The following ATP8B4 variants were observed in gnomAD, a reference collection of about 807,000 sequenced individuals.
The protein encoded by ATP8B4 is probable phospholipid-transporting ATPase IM.
In ATP8B4, 133 loss-of-function variants were observed where a neutral mutation model predicts 145.6. The observed-to-expected ratio is 0.91, with a 90% confidence interval of 0.79 to 1.05. The LOEUF (loss-of-function observed/expected upper bound fraction) is 1.05, where lower values mean the gene tolerates loss of function less well. Ranked by LOEUF, ATP8B4 falls within the 50% of genes least tolerant of loss-of-function variation. The probability of loss-of-function intolerance (pLI) is 0.00; values close to 1 mark genes in which losing one functional copy is unlikely to be tolerated. For synonymous variants in ATP8B4, 507 were observed against 492.9 expected, an observed-to-expected ratio of 1.03 and a Z score of -0.38; for missense variants, 1,458 against 1,425.2, an observed-to-expected ratio of 1.02 and a Z score of -0.37.
intron 25 of ATP8B4, among the ~76,000 whole-genome samples, chr15:49,872,211 C>T (rs574200754): frequency 7.1e-4 from 108 of 152,320 alleles, no homozygotes; most frequent in Admixed American, 1.8e-3. Flanking sequence ...CTTGGGAAAT[C>T]AGACTGTTGG....
chr15:49,978,999 T>G (rs2045931392), intron 12 of ATP8B4, among the ~76,000 whole-genome samples: 1 of 152,110 alleles, frequency 6.6e-6, no homozygotes, highest in Non-Finnish European at 1.5e-5. Context: ...ATATTTTAAC[T>G]CCTTTATGTA....
At chr15:50,156,123 T>TAA (rs2044413744) in intron 1 of ATP8B4, among the ~76,000 whole-genome samples, 4 of 11,638 alleles carry the variant, frequency 3.4e-4, no homozygotes, top group Admixed American at 2.3e-3. Context: ...TATATAAATA[T>TAA]ATTTATATAT....
Position 49,859,848 on chromosome 15 carries a change from G to A in ATP8B4, c.*346C>T, listed in dbSNP as rs571948203. 3 of 229,912 alleles carry A rather than the reference G, an allele frequency of 1.3e-5. No homozygotes were observed. The highest frequency in any genetic ancestry group is 6.9e-5 in the African/African-American group (3 of 43,744). The allele number at this position is 229,912 out of a possible 1,614,324, so 14.2% of individuals were successfully genotyped here. On this transcript the variant is annotated 3_prime_UTR_variant, in exon 28 of 28. Coordinates refer to ENST00000284509, the MANE Select transcript of ATP8B4 (RefSeq NM_024837.4). ...AAATGCACCCTTTTATCCGCCTGAG[G>A]ATCCATTCAGTGAATATGCAGCTTT...
At chr15:49,932,770 T>G (rs1432723075) in intron 15 of ATP8B4, among the ~76,000 whole-genome samples, 1 of 152,000 alleles carries the variant, frequency 6.6e-6, no homozygotes, top group African/African-American at 2.4e-5. Context: ...CTGTCTAAGG[T>G]GAGAGTCCAG....
At chr15:49,919,005 ACATC>A in intron 18 of ATP8B4, 55 bp from the exon 19 acceptor site, 1 of 1,246,340 alleles carries the variant, frequency 8.0e-7, no homozygotes, top group African/African-American at 1.5e-5. Flanking sequence ...AATATCTATA[ACATC>A]TATGGATTTC....
At chr15:49,894,323 C>T (rs1189711088) in intron 23 of ATP8B4, among the ~76,000 whole-genome samples, 2 of 152,140 alleles carry the variant, frequency 1.3e-5, no homozygotes, top group Non-Finnish European at 1.5e-5. Context: ...GACCAAAGTA[C>T]CCTTTCCAGT....
intron 1 of ATP8B4, among the ~76,000 whole-genome samples, chr15:50,108,724 G>A (rs2056802069): frequency 6.6e-6 from 1 of 152,128 alleles, no homozygotes; most frequent in Non-Finnish European, 1.5e-5. Context: ...AGAGATAGGA[G>A]GAGCACTTCC....
At chr15:49,900,480 A>G (rs552135700) in intron 21 of ATP8B4, among the ~76,000 whole-genome samples, 5 of 152,344 alleles carry the variant, frequency 3.3e-5, no homozygotes, top group African/African-American at 1.2e-4. Context: ...ATTTTAAATT[A>G]GAAACTCAGA....
chr15:50,094,857 G>C (rs908201445), intron 2 of ATP8B4, among the ~76,000 whole-genome samples: 6 of 151,610 alleles, frequency 4.0e-5, no homozygotes, highest in South Asian at 2.1e-4. Flanking sequence ...CCTTCACTGC[G>C]AGCTCAGTGA....
At chr15:50,093,503 T>A (rs1317983257) in intron 2 of ATP8B4, among the ~76,000 whole-genome samples, 1 of 151,822 alleles carries the variant, frequency 6.6e-6, no homozygotes, top group Non-Finnish European at 1.5e-5. Context: ...CAAAAAGAAG[T>A]TTAAAGGAAT....
chr15:49,869,030 T>G (rs905669114), intron 25 of ATP8B4, among the ~76,000 whole-genome samples: 1 of 152,168 alleles, frequency 6.6e-6, no homozygotes, highest in African/African-American at 2.4e-5. Context: ...TGCCTCAGCC[T>G]CCTGAGTAGC....
At chr15:50,158,503 G>A (rs913262331) in intron 1 of ATP8B4, among the ~76,000 whole-genome samples, 1 of 148,962 alleles carries the variant, frequency 6.7e-6, no homozygotes, top group Non-Finnish European at 1.5e-5. Flanking sequence ...CCTCCGCCCG[G>A]CCAGCCGCCC....
At position 49,876,370 on chromosome 15, in the gene ATP8B4, T is replaced by G. The variant is rs368298201; in HGVS notation, c.2935A>C (p.Asn979His). The change falls in exon 25 of 28, where the codon AAC becomes CAC. Residue 979 changes from asparagine to histidine, a missense_variant. By Grantham distance (68) the Asn-to-His change is moderately conservative. Transcript: ENST00000284509. Reference sequence around the variant, plus strand: ...TGTTGCCCATCTTCTCCAGCCACGTTGTAAAAGGCCCCATAGGGGATGAAG... The same window carrying G: ...TGTTGCCCATCTTCTCCAGCCACGTGGTAAAAGGCCCCATAGGGGATGAAG... ...LFFIPYGAFY[N>H]VAGEDGQHIA... 7 of 1,614,100 alleles carry G rather than the reference T, an allele frequency of 4.3e-6. No individual in the cohort carries two copies. The African/African-American group carries it at 8.0e-5, about 18-fold the overall frequency.
intron 1 of ATP8B4, among the ~76,000 whole-genome samples, chr15:50,156,210 G>C (rs1338838284): frequency 6.8e-6 from 1 of 147,660 alleles, no homozygotes; most frequent in Non-Finnish European, 1.5e-5. Flanking sequence ...AGATGTTTTT[G>C]TTTTGTTTTG....
intron 1 of ATP8B4, among the ~76,000 whole-genome samples, chr15:50,116,062 G>A (rs139234756): frequency 9.2e-5 from 14 of 152,292 alleles, no homozygotes; most frequent in African/African-American, 3.4e-4. Flanking sequence ...GAGGAGCAAT[G>A]ACAACTGGCA....
At chr15:50,097,221 G>C (rs2056045568) in intron 2 of ATP8B4, among the ~76,000 whole-genome samples, 1 of 151,962 alleles carries the variant, frequency 6.6e-6, no homozygotes, top group Non-Finnish European at 1.5e-5. Flanking sequence ...TATATGCCTT[G>C]ATAAGGTACC....
chr15:49,994,087 G>A (rs1038079084), intron 9 of ATP8B4, among the ~76,000 whole-genome samples: 4 of 152,120 alleles, frequency 2.6e-5, no homozygotes, highest in African/African-American at 9.7e-5. Flanking sequence ...CCTCATCTGA[G>A]AGGAAAATGT....
intron 9 of ATP8B4, among the ~76,000 whole-genome samples, chr15:49,989,713 A>T (rs879570548): frequency 6.6e-6 from 1 of 151,960 alleles, no homozygotes; most frequent in Non-Finnish European, 1.5e-5. Context: ...AGTTCTAAAT[A>T]CAGGCCCCAG....
chr15:49,896,751 A>G (rs1006466129), intron 23 of ATP8B4: 7 of 152,462 alleles, frequency 4.6e-5, no homozygotes, highest in African/African-American at 1.7e-4. Flanking sequence ...AATGTATAAG[A>G]AGCGATATAA....
Sources: gnomAD v4.1 joint callset for allele counts (sites outside exome capture counted in the v4.1 genomes callset) on GRCh38, gnomAD v4.1.1 for gene constraint, MANE v1.5 for transcripts, NCBI Gene and HGNC (gene_info 2026-07-23, HGNC 2026-07-21) for gene names.